The following PDGFD variants were observed in gnomAD, a reference collection of about 807,000 sequenced individuals.
The protein encoded by PDGFD is platelet-derived growth factor D.
Under a neutral mutation model 44.7 loss-of-function variants are expected in PDGFD, and 30 were observed. That is an observed-to-expected ratio of 0.67 (90% CI 0.50 to 0.91). The LOEUF (loss-of-function observed/expected upper bound fraction) is 0.91. Ranked by LOEUF, PDGFD falls within the 40% of genes least tolerant of loss-of-function variation. The probability of loss-of-function intolerance (pLI) is 0.00; values close to 1 mark genes in which losing one functional copy is unlikely to be tolerated. For missense variants in PDGFD, 445 were observed against 457.8 expected (o/e 0.97, Z 0.25); for synonymous variants, 173 against 168.4 (o/e 1.03, Z -0.21).
At chr11:103,989,534 A>G (rs942997708) in intron 3 of PDGFD, among the ~76,000 whole-genome samples, 1 of 152,238 alleles carries the variant, frequency 6.6e-6, no homozygotes, top group Non-Finnish European at 1.5e-5. Flanking sequence ...ATTGCAGTAC[A>G]TAATGAAAAC....
chr11:104,153,069 G>A (rs1862265956), intron 1 of PDGFD, among the ~76,000 whole-genome samples: 1 of 150,064 alleles, frequency 6.7e-6, no homozygotes, highest in African/African-American at 2.5e-5. Context: ...AAAGCTTAAA[G>A]TGTTCACAAA....
At chr11:103,915,700 A>G (rs1440685510) in intron 6 of PDGFD, among the ~76,000 whole-genome samples, 1 of 152,224 alleles carries the variant, frequency 6.6e-6, no homozygotes, top group Non-Finnish European at 1.5e-5. Flanking sequence ...CTATACTATA[A>G]GGCTACAGTA....
chr11:103,930,035 G>A (rs1018517577), intron 5 of PDGFD, among the ~76,000 whole-genome samples: 13 of 152,208 alleles, frequency 8.5e-5, no homozygotes, highest in South Asian at 4.2e-4. Context: ...TTCAACTAAC[G>A]TCCCTTATTT....
chr11:104,137,321 G>A (rs767042781), intron 1 of PDGFD, among the ~76,000 whole-genome samples: 35 of 151,946 alleles, frequency 2.3e-4, no homozygotes, highest in Non-Finnish European at 3.5e-4. Context: ...TTGCTCTTCC[G>A]GAGCTTATCA....
At chr11:104,152,103 C>A (rs117801827) in intron 1 of PDGFD, among the ~76,000 whole-genome samples, 1 of 152,130 alleles carries the variant, frequency 6.6e-6, no homozygotes, top group Admixed American at 6.5e-5. Context: ...CAGAGCACTG[C>A]ATGTAGTCTC....
chr11:104,033,710 T>C (rs1860167374), intron 1 of PDGFD, among the ~76,000 whole-genome samples: 1 of 152,210 alleles, frequency 6.6e-6, no homozygotes, highest in South Asian at 2.1e-4. Flanking sequence ...GAACAAATTG[T>C]ACAAAGCTAT....
chr11:104,002,741 T>C (rs1218304668), intron 1 of PDGFD, among the ~76,000 whole-genome samples: 1 of 152,230 alleles, frequency 6.6e-6, no homozygotes, highest in Admixed American at 6.5e-5. Flanking sequence ...CTTACAATTT[T>C]TGCCACATTT....
At chr11:104,051,622 G>C (rs906430837) in intron 1 of PDGFD, among the ~76,000 whole-genome samples, 2 of 151,526 alleles carry the variant, frequency 1.3e-5, no homozygotes, top group African/African-American at 4.9e-5. Flanking sequence ...TAAAAGCCTA[G>C]GTGAAAATCT....
intron 1 of PDGFD, among the ~76,000 whole-genome samples, chr11:104,108,986 G>A (rs1041593639): frequency 1.3e-5 from 2 of 150,088 alleles, no homozygotes; most frequent in African/African-American, 4.9e-5. Flanking sequence ...TCACTCATAG[G>A]TGGGAATTGA....
chr11:104,033,059 T>G (rs1211733800), intron 1 of PDGFD, among the ~76,000 whole-genome samples: 1 of 150,498 alleles, frequency 6.6e-6, no homozygotes, highest in Non-Finnish European at 1.5e-5. Flanking sequence ...GGTGTGTGTG[T>G]GTGTGTGTGT....
chr11:104,032,078 T>G (rs1171999322), intron 1 of PDGFD, among the ~76,000 whole-genome samples: 1 of 152,052 alleles, frequency 6.6e-6, no homozygotes, highest in Non-Finnish European at 1.5e-5. Flanking sequence ...TGATAGGTGA[T>G]GCAAACCACC....
chr11:104,072,281 A>G (rs1409895187), intron 1 of PDGFD, among the ~76,000 whole-genome samples: 1 of 151,768 alleles, frequency 6.6e-6, no homozygotes, highest in African/African-American at 2.4e-5. Flanking sequence ...TCAGTAGTGT[A>G]TTACTTTTTC....
chr11:104,006,254 G>A (rs1018544898), intron 1 of PDGFD, among the ~76,000 whole-genome samples: 2 of 152,136 alleles, frequency 1.3e-5, no homozygotes, highest in African/African-American at 2.4e-5. Context: ...TGCTGGGCAC[G>A]GAACCAAGCA....
rs17101969 is a variant in PDGFD, at chr11:104,125,868, G to A, written c.124+37936C>T. On this transcript the variant is annotated intron_variant, in intron 1 of 6. Transcript: ENST00000393158. ...GTTCATACTATGACCAACAGTAATGGTGTCACTGCACATTTATGGTACCAG... is the reference window on the plus strand; with the variant it reads ...GTTCATACTATGACCAACAGTAATGATGTCACTGCACATTTATGGTACCAG... Among the ~76,000 whole-genome samples the A allele has an allele frequency of 9.9e-3, 1,509 of 152,250 alleles. 25 individuals carry two copies. The highest frequency in any genetic ancestry group is 0.034 in the African/African-American group (1,428 of 41,544).
chr11:104,016,122 T>G (rs766330897), intron 1 of PDGFD, among the ~76,000 whole-genome samples: 1 of 152,154 alleles, frequency 6.6e-6, no homozygotes, highest in Non-Finnish European at 1.5e-5. Flanking sequence ...TGGCTGCAAA[T>G]TTTACAGATG....
intron 1 of PDGFD, among the ~76,000 whole-genome samples, chr11:104,052,354 AAAG>A (rs1309272842): frequency 7.2e-6 from 1 of 137,972 alleles, no homozygotes; most frequent in Non-Finnish European, 1.7e-5. Context: ...ACTCTTTAAA[AAAG>A]AAGAGCAGTA....
At chr11:104,031,695 T>A (rs1860128504) in intron 1 of PDGFD, among the ~76,000 whole-genome samples, 1 of 152,236 alleles carries the variant, frequency 6.6e-6, no homozygotes, top group African/African-American at 2.4e-5. Context: ...TATGCACATG[T>A]ATGTTCATTG....
chr11:104,027,003 C>G (rs1019873917), intron 1 of PDGFD, among the ~76,000 whole-genome samples: 1 of 152,160 alleles, frequency 6.6e-6, no homozygotes, highest in South Asian at 2.1e-4. Flanking sequence ...AACAGATTGT[C>G]TTTTCATTGT....
At chr11:104,111,084 A>G (rs892941588) in intron 1 of PDGFD, among the ~76,000 whole-genome samples, 3 of 152,040 alleles carry the variant, frequency 2.0e-5, no homozygotes, top group Non-Finnish European at 4.4e-5. Context: ...GGTATTTATT[A>G]ATATAACAAT....
Sources: allele counts gnomAD v4.1 joint callset (sites outside exome capture counted in the v4.1 genomes callset), GRCh38; gene constraint gnomAD v4.1.1; transcripts MANE v1.5; gene names NCBI Gene and HGNC (gene_info 2026-07-23, HGNC 2026-07-21).